Variants in PLCG2 observed in about 807,000 individuals in gnomAD.
PLCG2 encodes the protein 1-phosphatidylinositol 4,5-bisphosphate phosphodiesterase gamma-2.
PLCG2 carries 69 observed loss-of-function variants against 175.6 expected under a neutral mutation model. The ratio of observed to expected loss-of-function variants is 0.39; its 90% CI spans 0.32 to 0.48. The LOEUF (loss-of-function observed/expected upper bound fraction) is 0.48, where lower values mean the gene tolerates loss of function less well. PLCG2 is among the 20% of genes least tolerant of loss of function. The pLI, the probability that PLCG2 is intolerant of heterozygous loss-of-function variation, is 0.91. For missense variants in PLCG2, 1,798 were observed against 1,650.9 expected, an observed-to-expected ratio of 1.09 and a Z score of -1.54; for synonymous variants, 827 against 624.0, an observed-to-expected ratio of 1.33 and a Z score of -4.85.
chr16:81,778,096 A>G (rs1341648191), upstream of PLCG2, among the ~76,000 whole-genome samples: 1 of 150,886 alleles, frequency 6.6e-6, no homozygotes, highest in African/African-American at 2.4e-5. Flanking sequence ...AAAACGCTAT[A>G]ACAGACCAGT....
intron 31 of PLCG2, among the ~76,000 whole-genome samples, chr16:81,954,089 C>T (rs1241916316): frequency 2.0e-5 from 3 of 152,096 alleles, no homozygotes; most frequent in Non-Finnish European, 2.9e-5. Context: ...GTGGCATGAT[C>T]GTGGCTCACT....
At chr16:81,852,566 G>A (rs1368473627) in intron 2 of PLCG2, among the ~76,000 whole-genome samples, 1 of 152,184 alleles carries the variant, frequency 6.6e-6, no homozygotes, top group Non-Finnish European at 1.5e-5. Flanking sequence ...CTTTGAGTCA[G>A]TCAGGTTGCT....
At chr16:81,953,442 A>G (rs912511963) in intron 31 of PLCG2, among the ~76,000 whole-genome samples, 3 of 152,158 alleles carry the variant, frequency 2.0e-5, no homozygotes, top group Non-Finnish European at 4.4e-5. Flanking sequence ...TCCAACATAA[A>G]ACAATTTAAA....
intron 30 of PLCG2, 116 bp from the exon 31 acceptor site, chr16:81,946,059 G>A (rs1911136637): frequency 3.9e-6 from 3 of 766,728 alleles, no homozygotes; most frequent in African/African-American, 1.7e-5. Flanking sequence ...CCAGCATGGG[G>A]CACTGACTTC....
intron 2 of PLCG2, among the ~76,000 whole-genome samples, chr16:81,808,226 G>A (rs1019589519): frequency 6.6e-6 from 1 of 152,152 alleles, no homozygotes; most frequent in Non-Finnish European, 1.5e-5. Flanking sequence ...ACCTTTTGAG[G>A]CACCACCAGC....
Position 81,938,909 on chromosome 16 carries a change from G to A in PLCG2, c.3307G>A (p.Val1103Ile), listed in dbSNP as rs904052522. 1.3e-6 allele frequency: 2 copies of A among 1,596,086 alleles called. No homozygotes were observed. Among genetic ancestry groups the A allele is most frequent in the South Asian group, 1.1e-5 (1 of 90,174 alleles). ...TGACAACAACAAGTTCAAGACGACG[G>A]TTGTGAGTAAGTCAGTCACCTTGGC... ...EYDNNKFKTT[V>I]VNDNGLSPIW... The change falls in exon 29 of 33, where the codon GTT becomes ATT. Residue 1103 changes from valine to isoleucine, a missense_variant. Transcript: ENST00000564138.
intron 9 of PLCG2, among the ~76,000 whole-genome samples, chr16:81,886,168 G>A (rs550666674): frequency 2.0e-5 from 3 of 152,298 alleles, no homozygotes; most frequent in East Asian, 3.9e-4. Context: ...GGGAGACTGG[G>A]GCGTGTAGAT....
intron 13 of PLCG2, among the ~76,000 whole-genome samples, chr16:81,897,539 T>C (rs574674110): frequency 8.1e-6 from 1 of 123,118 alleles, no homozygotes; most frequent in Non-Finnish European, 1.7e-5. Context: ...TTTTCTTTTC[T>C]TTTCTTTTCT....
intron 2 of PLCG2, among the ~76,000 whole-genome samples, chr16:81,806,155 C>T (rs1462779822): frequency 1.3e-5 from 2 of 152,002 alleles, no homozygotes; most frequent in African/African-American, 2.4e-5. Context: ...CATCTTGATT[C>T]AGACAGATTC....
rs749876781 is a variant in PLCG2, at chr16:81,936,292, G to C, written c.2966G>C (p.Gly989Ala). The change falls in exon 27 of 33, where the codon GGA becomes GCA. Residue 989 changes from glycine (G) to alanine (A), a missense_variant. Gly to Ala is a moderately conservative substitution (Grantham distance 60). Coordinates refer to ENST00000564138, the MANE Select transcript of PLCG2 (RefSeq NM_002661.5). ...QKGLTRVYPKGQRVDSSNYDP... is the reference protein window; with the variant it reads ...QKGLTRVYPKAQRVDSSNYDP... ...GGCCTGACCCGCGTCTACCCAAAGG[G>C]ACAAAGAGTTGACTCTTCAAACTAC... is the stretch of plus-strand genomic sequence containing the variant. 3.7e-6 allele frequency: 6 copies of C among 1,614,208 alleles called. No individual in the cohort carries two copies. Among genetic ancestry groups the C allele is most frequent in the Non-Finnish European group, 5.1e-6 (6 of 1,180,038 alleles).
chr16:81,797,810 T>G (rs1275492942), intron 2 of PLCG2, among the ~76,000 whole-genome samples: 1 of 151,970 alleles, frequency 6.6e-6, no homozygotes, highest in Non-Finnish European at 1.5e-5. Context: ...CTTGGCCTCT[T>G]TGAGTCTCAG....
chr16:81,921,898 T>A (rs1910077874), intron 21 of PLCG2, among the ~76,000 whole-genome samples: 1 of 152,214 alleles, frequency 6.6e-6, no homozygotes, highest in Non-Finnish European at 1.5e-5. Flanking sequence ...CCATGGCCAA[T>A]GCAGATCTGT....
chr16:81,767,171 G>C (rs1217969529), intron 2 of PLCG2, among the ~76,000 whole-genome samples: 4 of 110,166 alleles, frequency 3.6e-5, no homozygotes, highest in African/African-American at 1.4e-4. Context: ...TTGAGACTGA[G>C]TCTCGATCTA....
intron 2 of PLCG2, among the ~76,000 whole-genome samples, chr16:81,759,762 A>G (rs927416952): frequency 2.0e-5 from 3 of 152,202 alleles, no homozygotes; most frequent in African/African-American, 7.2e-5. Context: ...TACGTTACCC[A>G]TTGCACTGAG....
At chr16:81,937,931 G>T (rs1315763822) in intron 28 of PLCG2, 28 bp downstream of exon 28, 1 of 1,611,916 alleles carries the variant, frequency 6.2e-7, no homozygotes, top group East Asian at 2.2e-5. Flanking sequence ...TTCCTGCCAG[G>T]GGAGCCAGCC....
intron 1 of PLCG2, among the ~76,000 whole-genome samples, chr16:81,754,423 C>G (rs544281790): frequency 3.3e-3 from 4 of 1,206 alleles, no homozygotes; most frequent in Non-Finnish European, 6.3e-3. Flanking sequence ...CTCCTCCCCA[C>G]CCCTCCCCAC....
At chr16:81,859,197 G>T in intron 5 of PLCG2, 34 bp downstream of exon 5, 1 of 1,422,700 alleles carries the variant, frequency 7.0e-7, no homozygotes, top group Non-Finnish European at 9.9e-7. Context: ...TGATCACTTT[G>T]GATTTCGATC....
In PLCG2 at chr16:81,958,096, G is replaced by A; in HGVS notation, c.*98G>A. ...TCACACTCTGGGAAGACGCTAATCTGTGACATCTTTTCTTCAAGCCTGCCA... is the reference window on the plus strand; with the variant it reads ...TCACACTCTGGGAAGACGCTAATCTATGACATCTTTTCTTCAAGCCTGCCA... On this transcript the variant is annotated 3_prime_UTR_variant, in exon 33 of 33. Coordinates refer to ENST00000564138, the MANE Select transcript of PLCG2 (RefSeq NM_002661.5). 2 of 841,428 alleles carry A rather than the reference G, an allele frequency of 2.4e-6. No homozygotes were observed. The highest frequency in any genetic ancestry group is 4.1e-6 in the Non-Finnish European group (2 of 491,522). 52.1% of individuals were successfully genotyped at this position (841,428 alleles called of 1,614,324 possible).
At chr16:81,812,076 G>T (rs1390206698) in intron 2 of PLCG2, among the ~76,000 whole-genome samples, 48 of 132,188 alleles carry the variant, frequency 3.6e-4, no homozygotes, top group Non-Finnish European at 1.8e-4. Context: ...TTGAGACGGA[G>T]TCTTGCTCTT....
Sources: gnomAD v4.1 joint callset for allele counts (sites outside exome capture counted in the v4.1 genomes callset) on GRCh38, gnomAD v4.1.1 for gene constraint, MANE v1.5 for transcripts, NCBI Gene and HGNC (gene_info 2026-07-23, HGNC 2026-07-21) for gene names.